PSMA3: variants seen among roughly 807,000 people sequenced by gnomAD.
The protein encoded by PSMA3 is proteasome 20S subunit alpha 3.
A neutral mutation model predicts 40.0 loss-of-function variants in PSMA3; 8 were observed. The ratio of observed to expected loss-of-function variants is 0.20; its 90% CI spans 0.12 to 0.36. The LOEUF (loss-of-function observed/expected upper bound fraction) is 0.36. Ranked by LOEUF, PSMA3 falls within the 10% of genes least tolerant of loss-of-function variation. The pLI is 1.00. For missense variants in PSMA3, 219 were observed against 310.6 expected (o/e 0.70, Z 2.22); for synonymous variants, 110 against 100.0 (o/e 1.10, Z -0.59).
At position 58,267,519 on chromosome 14, in the gene PSMA3, A is replaced by G; in HGVS notation, c.589A>G (p.Ile197Val). The G allele has an allele frequency of 1.3e-6, 2 of 1,576,004 alleles. No homozygotes were observed. The highest frequency in any genetic ancestry group is 1.7e-6 in the Non-Finnish European group (2 of 1,165,268). Residue 197 changes from isoleucine to valine, a missense_variant and splice_region_variant, in exon 8 of 11, where the codon ATA becomes GTA. Ile to Val is a conservative substitution (Grantham distance 29, BLOSUM62 3). Coordinates refer to ENST00000216455, the MANE Select transcript of PSMA3 (RefSeq NM_002788.4). ...TGATATCGTTAAAGAAGTTGCAAAA[A>G]TGTAAGTTGAAATTTTTCTTACCAT... ...CRDIVKEVAK[I>V]IYIVHDEVKD...
intron 3 of PSMA3, 21 bp from the exon 4 acceptor site, chr14:58,257,724 A>T: frequency 6.3e-7 from 1 of 1,594,620 alleles, no homozygotes; most frequent in Non-Finnish European, 8.6e-7. Flanking sequence ...TTCCTCTAGT[A>T]AATTGGTGCT....
chr14:58,255,858 T>G (rs1890132063), intron 3 of PSMA3, among the ~76,000 whole-genome samples: 1 of 152,148 alleles, frequency 6.6e-6, no homozygotes, highest in Non-Finnish European at 1.5e-5. Flanking sequence ...AATTCTGTTT[T>G]TGTTTTTGTT....
chr14:58,263,982 G>A (rs1890359920), intron 7 of PSMA3, among the ~76,000 whole-genome samples: 1 of 152,222 alleles, frequency 6.6e-6, no homozygotes, highest in Non-Finnish European at 1.5e-5. Context: ...TTGGCCCCAT[G>A]TGGCCTGTGG....
At chr14:58,246,501 C>A (rs1294265034) in intron 1 of PSMA3, among the ~76,000 whole-genome samples, 1 of 152,160 alleles carries the variant, frequency 6.6e-6, no homozygotes, top group Non-Finnish European at 1.5e-5. Context: ...CAGGTTCAAG[C>A]AATTCTCCTG....
At chr14:58,252,042 GT>G in intron 2 of PSMA3, 76 bp from the exon 3 acceptor site, 3 of 1,450,098 alleles carry the variant, frequency 2.1e-6, no homozygotes, top group East Asian at 2.3e-5. Context: ...TACTTATTTT[GT>G]TTTTTTGTTA....
At position 58,245,825 on chromosome 14, in the gene PSMA3, T is replaced by G. The variant is rs61975953; in HGVS notation, c.21+884T>G. On this transcript the variant is annotated intron_variant, in intron 1 of 10. Coordinates refer to ENST00000216455, the MANE Select transcript of PSMA3 (RefSeq NM_002788.4). ...CTTAACAAGATTCTCATGCTCAGCC[T>G]TAAGTTCAAGTACCGGTGTTCTAAA... Among the ~76,000 whole-genome samples the G allele has an allele frequency of 3.2e-3, 483 of 152,352 alleles. 2 individuals carry two copies. The highest frequency in any genetic ancestry group is 5.9e-3 in the Non-Finnish European group (401 of 68,032).
intron 3 of PSMA3, among the ~76,000 whole-genome samples, chr14:58,255,537 G>C (rs914483940): frequency 3.3e-5 from 5 of 152,202 alleles, no homozygotes; most frequent in Non-Finnish European, 7.3e-5. Context: ...CGGAGGCCAA[G>C]GCGGGCGGAT....
At position 58,271,842 on chromosome 14, in the gene PSMA3, T is replaced by C. The variant is rs1890635446; in HGVS notation, c.724-9T>C. 1 of 1,593,328 alleles carries C rather than the reference T, an allele frequency of 6.3e-7. No individual in the cohort carries two copies. Among genetic ancestry groups the C allele is most frequent in the Non-Finnish European group, 8.6e-7 (1 of 1,161,946 alleles). On this transcript the variant is annotated splice_polypyrimidine_tract_variant and intron_variant, in intron 10 of 10. Transcript: ENST00000216455. Reference sequence around the variant, plus strand: ...AAATCAATTTTAAACACCTGTTTTCTCTTAACAGGAATCTCTGAAGGAAGA... The same window carrying C: ...AAATCAATTTTAAACACCTGTTTTCCCTTAACAGGAATCTCTGAAGGAAGA...
intron 2 of PSMA3, among the ~76,000 whole-genome samples, chr14:58,249,047 C>T (rs1290518925): frequency 1.3e-5 from 2 of 152,006 alleles, no homozygotes; most frequent in African/African-American, 4.8e-5. Flanking sequence ...CTCACCGCAA[C>T]CTCTGCCTCC....
chr14:58,251,528 A>G (rs1890010441), intron 2 of PSMA3, among the ~76,000 whole-genome samples: 1 of 152,144 alleles, frequency 6.6e-6, no homozygotes, highest in South Asian at 2.1e-4. Flanking sequence ...AGCATCCCAA[A>G]GTGCTGAGAT....
chr14:58,256,824 A>G (rs1432314997), intron 3 of PSMA3, among the ~76,000 whole-genome samples: 1 of 152,060 alleles, frequency 6.6e-6, no homozygotes, highest in African/African-American at 2.4e-5. Flanking sequence ...CTTTAGAGAA[A>G]AGAACAAATT....
chr14:58,266,708 T>C (rs1334703970), intron 7 of PSMA3: 1 of 152,246 alleles, frequency 6.6e-6, no homozygotes, highest in Middle Eastern at 3.2e-3. Context: ...GCTCAAATCT[T>C]GGTTCTTCAA....
At chr14:58,253,813 C>G (rs1284810568) in intron 3 of PSMA3, among the ~76,000 whole-genome samples, 1 of 152,100 alleles carries the variant, frequency 6.6e-6, no homozygotes, top group African/African-American at 2.4e-5. Context: ...AGGCTGGTCT[C>G]GGACTCCTGA....
chr14:58,252,121 C>T lies in PSMA3; in HGVS notation c.107C>T (p.Thr36Ile), dbSNP rs1419544613. 1 of 1,604,456 alleles carries T rather than the reference C, an allele frequency of 6.2e-7. No homozygotes were observed. The highest frequency in any genetic ancestry group is 8.5e-7 in the Non-Finnish European group (1 of 1,176,990). Residue 36 changes from threonine to isoleucine, a missense_variant and splice_region_variant, in exon 3 of 11, where the codon ACA becomes ATA. Physicochemically the swap from Thr to Ile is moderately conservative, Grantham distance 89. Transcript: ENST00000216455. ...YAMKAVENSSTAIGIRCKDGV... is the reference protein window; with the variant it reads ...YAMKAVENSSIAIGIRCKDGV... ...TGATTTTCTTCTCCTTGTTTCAGTA[C>T]AGCTATTGGAATCAGATGCAAAGAT... is the stretch of plus-strand genomic sequence containing the variant.
At chr14:58,271,090 G>A in intron 10 of PSMA3, 92 bp downstream of exon 10, 1 of 756,902 alleles carries the variant, frequency 1.3e-6, no homozygotes, top group Non-Finnish European at 2.0e-6. Flanking sequence ...AGCACAGCAA[G>A]ACCCCCATCC....
intron 9 of PSMA3, among the ~76,000 whole-genome samples, chr14:58,270,704 C>G (rs1281286477): frequency 8.5e-5 from 13 of 152,146 alleles, no homozygotes; most frequent in Non-Finnish European, 2.9e-5. Flanking sequence ...AATTAATGCT[C>G]AGGATTTATA....
chr14:58,255,147 C>G (rs1452748844), intron 3 of PSMA3, among the ~76,000 whole-genome samples: 1 of 151,198 alleles, frequency 6.6e-6, no homozygotes, highest in Non-Finnish European at 1.5e-5. Flanking sequence ...TATTTAGATC[C>G]AAAGAACTTA....
chr14:58,263,312 C>T (rs1056554780), intron 6 of PSMA3, among the ~76,000 whole-genome samples: 2 of 151,990 alleles, frequency 1.3e-5, no homozygotes, highest in African/African-American at 2.4e-5. Context: ...AAAAAATTTA[C>T]AAAATAATAA....
chr14:58,263,705 G>A lies in PSMA3; in HGVS notation c.478G>A (p.Gly160Ser). Residue 160 changes from glycine to serine, a missense_variant and splice_region_variant, in exon 7 of 11, where the codon GGT becomes AGT. Gly to Ser is a moderately conservative substitution (Grantham distance 56, BLOSUM62 0). Transcript: ENST00000216455. Reference protein sequence around the residue: ...YMIDPSGVSYGYWGCAIGKAR... With the variant: ...YMIDPSGVSYSYWGCAIGKAR... ...ATTATATATATTTTTTTCTAAATAG[G>A]GTTATTGGGGCTGTGCCATCGGCAA... The A allele has an allele frequency of 1.9e-6, 3 of 1,611,578 alleles. No individual in the cohort carries two copies. The highest frequency in any genetic ancestry group is 2.2e-5 in the East Asian group (1 of 44,852).
Sources: gnomAD v4.1 joint callset for allele counts (sites outside exome capture counted in the v4.1 genomes callset) on GRCh38, gnomAD v4.1.1 for gene constraint, MANE v1.5 for transcripts, NCBI Gene and HGNC (gene_info 2026-07-23, HGNC 2026-07-21) for gene names.